SOX13: variants seen among roughly 807,000 people sequenced by gnomAD.
SOX13 encodes transcription factor SOX-13.
In SOX13, 28 loss-of-function variants were observed where a neutral mutation model predicts 71.8. The ratio of observed to expected loss-of-function variants is 0.39; its 90% confidence interval spans 0.29 to 0.53. SOX13 has a LOEUF of 0.53. SOX13 is among the 20% of genes least tolerant of loss of function. SOX13 has a pLI of 0.70. For synonymous variants in SOX13, 309 were observed against 317.8 expected, an observed-to-expected ratio of 0.97 and a Z score of 0.29; for missense variants, 627 against 810.3, an observed-to-expected ratio of 0.77 and a Z score of 2.75.
chr1:204,124,733 G>C lies in SOX13; in HGVS notation c.1468G>C (p.Asp490His). The change falls in exon 13 of 14, where the codon GAC becomes CAC. Residue 490 changes from aspartate (D) to histidine (H), a missense_variant. Around this residue, in one of 3 missense-constraint regions of SOX13, gnomAD observed 148 missense variants for 192.7 expected, o/e 0.77. Transcript: ENST00000367204. ...CCGGCAGCACCTGGAGAAGTATCCT[G>C]ACTACAAGTACAAGCCGCGGCCCAA... ...LSRQHLEKYP[D>H]YKYKPRPKRT... is the part of the protein sequence containing the mutation. 1 of 1,612,754 alleles carries C rather than the reference G, an allele frequency of 6.2e-7. No individual in the cohort carries two copies. The highest frequency in any genetic ancestry group is 8.5e-7 in the Non-Finnish European group (1 of 1,179,510).
At position 204,121,978 on chromosome 1, in the gene SOX13, C is replaced by A. The variant is rs980281206; in HGVS notation, c.854C>A (p.Pro285His). The stretch of plus-strand genomic sequence containing the variant: ...CCTGGGGCCATGGCCACCCACCACC[C>A]CCTGCAGGTACCGCCCTCTACCCAC... ...KRPGAMATHH[P>H]LQEPSQPLNL... The change falls in exon 8 of 14, where the codon CCC becomes CAC. Residue 285 changes from proline to histidine, a missense_variant. Physicochemically the swap from Pro to His is moderately conservative, Grantham distance 77 (BLOSUM62 -2). This residue lies in a region of SOX13 where 447 missense variants were observed against 532.2 expected (regional missense o/e 0.84). Transcript: ENST00000367204. 4 of 1,603,098 alleles carry A rather than the reference C, an allele frequency of 2.5e-6. No individual in the cohort carries two copies. The African/African-American group carries it at 4.0e-5, about 16-fold the overall frequency.
Position 204,081,061 on chromosome 1 carries a change from G to A in SOX13, c.-2+7350G>A, listed in dbSNP as rs1376983930. The stretch of plus-strand genomic sequence containing the variant: ...TGAGTAGCTGGGATTACAGGCATGC[G>A]CGACCATGCCTGGCTAATTTTTTGT... On this transcript the variant is annotated intron_variant, in intron 1 of 13. Coordinates refer to ENST00000367204, the MANE Select transcript of SOX13 (RefSeq NM_005686.3). This position sits in a 1 kb window ranked among gnomAD's most constrained non-coding sequence, Gnocchi z 4.3. Among the ~76,000 whole-genome samples, 5 of 151,934 alleles carry A rather than the reference G, an allele frequency of 3.3e-5. No individual in the cohort carries two copies. The highest frequency in any genetic ancestry group is 9.7e-5 in the African/African-American group (4 of 41,364).
chr1:204,099,948 T>A (rs1166969583), intron 1 of SOX13, among the ~76,000 whole-genome samples: 2 of 151,778 alleles, frequency 1.3e-5, no homozygotes, highest in Non-Finnish European at 2.9e-5. Context: ...TCAAGACCAG[T>A]CTGGGCAACA....
intron 1 of SOX13, among the ~76,000 whole-genome samples, chr1:204,107,405 T>C (rs1656491354): frequency 6.6e-6 from 1 of 152,100 alleles, no homozygotes; most frequent in Admixed American, 6.6e-5. Context: ...GACCCCCAGC[T>C]GCAGAGTGAC....
chr1:204,078,916 T>G (rs1237215507), intron 1 of SOX13, among the ~76,000 whole-genome samples: 1 of 152,188 alleles, frequency 6.6e-6, no homozygotes, highest in East Asian at 1.9e-4. Flanking sequence ...GGAGCAGAGA[T>G]ATGGTAGTTC....
intron 1 of SOX13, among the ~76,000 whole-genome samples, chr1:204,106,972 T>G (rs1656483480): frequency 6.6e-6 from 1 of 152,196 alleles, no homozygotes; most frequent in African/African-American, 2.4e-5. Flanking sequence ...CCTATTTTAC[T>G]GAGGAGGAAA....
At chr1:204,080,023 G>C (rs1026742340) in intron 1 of SOX13, among the ~76,000 whole-genome samples, 2 of 152,202 alleles carry the variant, frequency 1.3e-5, no homozygotes, top group African/African-American at 4.8e-5. Flanking sequence ...CACATGTTGA[G>C]GGCTTCAGCC....
chr1:204,083,870 G>A (rs1655960293), intron 1 of SOX13, among the ~76,000 whole-genome samples: 1 of 152,142 alleles, frequency 6.6e-6, no homozygotes, highest in South Asian at 2.1e-4. Flanking sequence ...CTGAGGGGAG[G>A]GAGGGACAGG....
chr1:204,117,558 C>A, intron 6 of SOX13, 35 bp from the exon 7 acceptor site: 1 of 1,410,260 alleles, frequency 7.1e-7, no homozygotes, highest in Non-Finnish European at 9.9e-7. Flanking sequence ...CTCTTTGGGT[C>A]CCTGGGGACT....
rs1250997525 is a variant in SOX13 at position 204,109,500 on chromosome 1, AGGTTTG to A, written c.-1-3414_-1-3409del. Among the ~76,000 whole-genome samples, 28 of 152,348 alleles carry A rather than the reference AGGTTTG, an allele frequency of 1.8e-4. No individual in the cohort carries two copies. The East Asian group carries it at 5.2e-3, about 28-fold the overall frequency. ...TATTCAGTACAATAACATGCTGTAC[AGGTTTG>A]TAGCCTAGGAGAAATAGGCTATACC... On this transcript the variant is annotated intron_variant, in intron 1 of 13. Coordinates refer to ENST00000367204, the MANE Select transcript of SOX13 (RefSeq NM_005686.3).
At chr1:204,099,424 CTTT>C (rs200311750) in intron 1 of SOX13, among the ~76,000 whole-genome samples, 5 of 93,448 alleles carry the variant, frequency 5.4e-5, no homozygotes, top group Non-Finnish European at 1.1e-4. Context: ...CTTTTTCTGG[CTTT>C]TTTTTTTTTT....
intron 1 of SOX13, among the ~76,000 whole-genome samples, chr1:204,097,230 A>C (rs1420014047): frequency 6.6e-6 from 1 of 152,212 alleles, no homozygotes; most frequent in Non-Finnish European, 1.5e-5. Context: ...GGAAGAGTTG[A>C]ATCATTTCAA....
intron 1 of SOX13, among the ~76,000 whole-genome samples, chr1:204,096,165 A>G (rs914975704): frequency 3.3e-5 from 5 of 151,054 alleles, no homozygotes; most frequent in Non-Finnish European, 5.9e-5. Flanking sequence ...TTGCTGGATC[A>G]TATGGTAATT....
intron 13 of SOX13, 125 bp downstream of exon 13, chr1:204,124,982 C>CGT: frequency 4.3e-6 from 3 of 699,324 alleles, no homozygotes; most frequent in African/African-American, 1.8e-5. Flanking sequence ...TGTATGCGTA[C>CGT]GTGTGTGTGT....
chr1:204,101,523 C>G, intron 1 of SOX13, among the ~76,000 whole-genome samples: 1 of 52,776 alleles, frequency 1.9e-5, no homozygotes, highest in Non-Finnish European at 3.9e-5. Flanking sequence ...AAAAAAGTGG[C>G]AGGAGGCCTT....
intron 1 of SOX13, among the ~76,000 whole-genome samples, chr1:204,105,110 A>G (rs1392344844): frequency 6.6e-6 from 1 of 152,164 alleles, no homozygotes; most frequent in Non-Finnish European, 1.5e-5. Flanking sequence ...GCTTTGAGCC[A>G]CTGTCCCTCC....
chr1:204,104,292 G>A (rs971883119), intron 1 of SOX13, among the ~76,000 whole-genome samples: 6 of 152,210 alleles, frequency 3.9e-5, no homozygotes, highest in Admixed American at 6.5e-5. Flanking sequence ...CAGACCGGCC[G>A]TGCCCTGGAT....
chr1:204,098,740 G>A (rs1261932084), intron 1 of SOX13, among the ~76,000 whole-genome samples: 1 of 152,166 alleles, frequency 6.6e-6, no homozygotes, highest in African/African-American at 2.4e-5. Context: ...GAATGTAAGG[G>A]GAGTCAGGGT....
intron 1 of SOX13, among the ~76,000 whole-genome samples, chr1:204,080,458 C>T (rs903923596): frequency 6.6e-6 from 1 of 152,268 alleles, no homozygotes; most frequent in South Asian, 2.1e-4. Flanking sequence ...TGGTTTTGAT[C>T]GTAATCCCTG....
Sources: gnomAD v4.1 joint callset for allele counts (sites outside exome capture counted in the v4.1 genomes callset) on GRCh38, gnomAD v4.1.1 for gene constraint, gnomAD v4.1.1 regional missense constraint, Gnocchi (gnomAD v3.1) non-coding constraint, MANE v1.5 for transcripts, NCBI Gene and HGNC (gene_info 2026-07-23, HGNC 2026-07-21) for gene names.